The following ABCF3 variants were observed in gnomAD, a reference collection of about 807,000 sequenced individuals.
ABCF3 encodes ATP-binding cassette sub-family F member 3.
ABCF3 carries 62 observed loss-of-function variants against 94.3 expected under a neutral mutation model. That is an observed-to-expected ratio of 0.66 (90% CI 0.54 to 0.81). The LOEUF (loss-of-function observed/expected upper bound fraction) is 0.81, where lower values mean the gene tolerates loss of function less well. Ranked by LOEUF, ABCF3 falls within the 40% of genes least tolerant of loss-of-function variation. The pLI is 0.00. For missense variants in ABCF3, 843 were observed against 925.3 expected (o/e 0.91, Z 1.15); for synonymous variants, 355 against 361.1 (o/e 0.98, Z 0.19).
In ABCF3 at chr3:184,186,500, T is replaced by C. The variant is rs1560131571; in HGVS notation, c.74-7T>C. 9.3e-6 allele frequency: 15 copies of C among 1,606,784 alleles called. No homozygotes were observed. The South Asian group carries it at 1.7e-4, about 18-fold the overall frequency. On this transcript the variant is annotated splice_polypyrimidine_tract_variant and splice_region_variant and intron_variant, in intron 1 of 20. Coordinates refer to ENST00000429586, the MANE Select transcript of ABCF3 (RefSeq NM_018358.3). ...ATACCTTCCTCGTTCTACCACGCCC[T>C]GCCCAGGCGTCTTGCACAGCGGCAG...
intron 12 of ABCF3, 42 bp downstream of exon 12, chr3:184,189,485 C>T (rs1442654403): frequency 1.2e-6 from 2 of 1,614,000 alleles, no homozygotes; most frequent in African/African-American, 1.3e-5. Context: ...GGAAAGGCGG[C>T]CTCCAAGATA....
chr3:184,191,318 T>C, intron 16 of ABCF3, 63 bp downstream of exon 16: 3 of 1,606,300 alleles, frequency 1.9e-6, no homozygotes, highest in East Asian at 2.2e-5. Context: ...GTGGTGTGGA[T>C]TGGCCCAGAT....
chr3:184,192,374 T>C (rs373532300), intron 16 of ABCF3, among the ~76,000 whole-genome samples: 4 of 152,256 alleles, frequency 2.6e-5, no homozygotes, highest in South Asian at 2.1e-4. Flanking sequence ...CTAGAACTTA[T>C]TCCTCCATTC....
Position 184,187,999 on chromosome 3 carries a change from T to C in ABCF3, c.569+16T>C, listed in dbSNP as rs1267397387. The C allele has an allele frequency of 6.2e-7, 1 of 1,613,654 alleles. No individual in the cohort carries two copies. Among genetic ancestry groups the C allele is most frequent in the African/African-American group, 1.3e-5 (1 of 74,922 alleles). On this transcript the variant is annotated intron_variant, in intron 6 of 20. Coordinates refer to ENST00000429586, the MANE Select transcript of ABCF3 (RefSeq NM_018358.3). ...TTGGCGATAGGTGAGGGAATAGTGG[T>C]GGCAGGGGTTGGCTTTCTTTTTCTA...
chr3:184,191,237 C>T lies in ABCF3; in HGVS notation c.1551C>T (p.Leu517=), dbSNP rs779061226. Residue 517 remains leucine, a synonymous_variant, in exon 16 of 21, where the codon CTC becomes CTT. Transcript: ENST00000429586. The stretch of plus-strand genomic sequence containing the variant: ...GTCGCCTCTCTGTGTCTGCTGATCT[C>T]GAGTCTCGCATCTGTGTGGTAAGGC... ...IFSRLSVSAD[L]ESRICVVGEN... is the part of the protein sequence containing the mutation. 1.1e-5 allele frequency: 18 copies of T among 1,614,156 alleles called. No individual in the cohort carries two copies. The East Asian group carries it at 2.0e-4, about 18-fold the overall frequency.
At chr3:184,189,036 C>T in intron 9 of ABCF3, 48 bp downstream of exon 9, 3 of 1,614,152 alleles carry the variant, frequency 1.9e-6, no homozygotes, top group Non-Finnish European at 2.5e-6. Context: ...TGTCTCAGCC[C>T]CTTCCTGCCC....
At chr3:184,186,434 C>T in intron 1 of ABCF3, 73 bp from the exon 2 acceptor site, 1 of 1,581,338 alleles carries the variant, frequency 6.3e-7, no homozygotes, top group South Asian at 1.2e-5. Context: ...ACTGGGGCCT[C>T]TGTCTGGGGT....
intron 12 of ABCF3, 47 bp downstream of exon 12, chr3:184,189,490 A>G (rs769074174): frequency 6.2e-7 from 1 of 1,613,860 alleles, no homozygotes; most frequent in Non-Finnish European, 8.5e-7. Flanking sequence ...GGCGGCCTCC[A>G]AGATACCTGG....
In ABCF3 at chr3:184,188,257, G is replaced by A. The variant is rs747252180; in HGVS notation, c.686G>A (p.Arg229Gln). ...AAGATGCTGGCCACCCGGAGTCTGC[G>A]GGTTCCAGCCCACATTTCCCTGCTG... ...LLKMLATRSL[R>Q]VPAHISLLHV... Residue 229 changes from arginine (R) to glutamine (Q), a missense_variant, in exon 7 of 21, where the codon CGG (arginine) becomes CAG (glutamine). Arg to Gln is a conservative substitution (Grantham distance 43). Coordinates refer to ENST00000429586, the MANE Select transcript of ABCF3 (RefSeq NM_018358.3). 38 of 1,614,048 alleles carry A rather than the reference G, an allele frequency of 2.4e-5. No homozygotes were observed. Among genetic ancestry groups the A allele is most frequent in the African/African-American group, 4.0e-5 (3 of 74,928 alleles).
Position 184,186,515 on chromosome 3 carries a change from C to T in ABCF3, c.82C>T (p.His28Tyr). The change falls in exon 2 of 21, where the codon CAC (histidine) becomes TAC (tyrosine). Residue 28 changes from histidine to tyrosine, a missense_variant. Coordinates refer to ENST00000429586, the MANE Select transcript of ABCF3 (RefSeq NM_018358.3). The part of the protein sequence containing the change: ...QVFDYVTGVL[H>Y]SGSADFESVD... ...TACCACGCCCTGCCCAGGCGTCTTG[C>T]ACAGCGGCAGCGCGGACTTCGAGTC... 6.2e-7 allele frequency: 1 copy of T among 1,611,200 alleles called. No homozygotes were observed. The highest frequency in any genetic ancestry group is 8.5e-7 in the Non-Finnish European group (1 of 1,178,398).
Position 184,188,424 on chromosome 3 carries a change from A to G in ABCF3, c.836+17A>G, listed in dbSNP as rs775065748. ...TGCTGGCAGGTGAGGACTCCCGGCTAGGGAGTAACTAGCAGCCGCTGTCGC... is the reference window on the plus strand; with the variant it reads ...TGCTGGCAGGTGAGGACTCCCGGCTGGGGAGTAACTAGCAGCCGCTGTCGC... On this transcript the variant is annotated intron_variant, in intron 7 of 20. Coordinates refer to ENST00000429586, the MANE Select transcript of ABCF3 (RefSeq NM_018358.3). 2.4e-5 allele frequency: 39 copies of G among 1,596,732 alleles called. 1 individual carries two copies. The highest frequency in any genetic ancestry group is 1.0e-4 in the Admixed American group (6 of 59,476).
rs757996688 is a variant in ABCF3, at chr3:184,188,210, G to C, written c.639G>C (p.Gly213=). ...GRRYGLVGRN[G]LGKTTLLKML... ...GTTACGGGCTGGTGGGGCGGAATGG[G>C]TTGGGGAAGACAACGTTACTGAAGA... The change falls in exon 7 of 21, where the codon GGG becomes GGC. Residue 213 remains glycine (G), a synonymous_variant. Transcript: ENST00000429586. 2 of 1,614,108 alleles carry C rather than the reference G, an allele frequency of 1.2e-6. No homozygotes were observed. Among genetic ancestry groups the C allele is most frequent in the Admixed American group, 3.3e-5 (2 of 60,036 alleles).
intron 16 of ABCF3, 152 bp downstream of exon 16, chr3:184,191,407 C>A: frequency 8.8e-7 from 1 of 1,137,224 alleles, no homozygotes. Context: ...TTACACTAGC[C>A]CTGTCCTCTG....
chr3:184,192,579 T>A (rs765266563), intron 16 of ABCF3, 22 bp from the exon 17 acceptor site: 1 of 1,601,358 alleles, frequency 6.2e-7, no homozygotes, highest in Non-Finnish European at 8.5e-7. Context: ...ACACACTGTA[T>A]GACATTTTCA....
rs565912154 is a variant in ABCF3 at position 184,188,945 on chromosome 3, G to T, written c.934G>T (p.Ala312Ser). The T allele has an allele frequency of 1.2e-6, 2 of 1,614,122 alleles. No individual in the cohort carries two copies. The highest frequency in any genetic ancestry group is 1.1e-5 in the South Asian group (1 of 91,082). Residue 312 changes from alanine (A) to serine (S), a missense_variant, in exon 9 of 21, where the codon GCT (alanine) becomes TCT (serine). Coordinates refer to ENST00000429586, the MANE Select transcript of ABCF3 (RefSeq NM_018358.3). Reference sequence around the variant, plus strand: ...CTCTACTAGGGCATCAGTCATTCTCGCTGGGCTTGGCTTTACCCCTAAAAT... The same window carrying T: ...CTCTACTAGGGCATCAGTCATTCTCTCTGGGCTTGGCTTTACCCCTAAAAT... Reference protein sequence around the residue: ...KAPARASVILAGLGFTPKMQQ... With the variant: ...KAPARASVILSGLGFTPKMQQ...
intron 4 of ABCF3, 46 bp downstream of exon 4, chr3:184,187,489 G>T (rs765689355): frequency 6.3e-7 from 1 of 1,585,828 alleles, no homozygotes. Context: ...GATGGGGTTG[G>T]GAGTTGACTG....
At position 184,189,267 on chromosome 3, in the gene ABCF3, G is replaced by T; in HGVS notation, c.1047G>T (p.Leu349=). The T allele has an allele frequency of 6.2e-7, 1 of 1,614,200 alleles. No homozygotes were observed. The highest frequency in any genetic ancestry group is 8.5e-7 in the Non-Finnish European group (1 of 1,180,042). The stretch of plus-strand genomic sequence containing the variant: ...TTGTTTTTCATAGGCCAGATCTTCT[G>T]CTGTTAGATGGTGAGTTTGAAATGG... The part of the protein sequence containing the change: ...ARALFARPDL[L]LLDEPTNMLD... Residue 349 remains leucine, a synonymous_variant, in exon 11 of 21, where the codon CTG becomes CTT. Transcript: ENST00000429586.
chr3:184,187,286 A>G lies in ABCF3; in HGVS notation c.302-111A>G, dbSNP rs551413283. ...ATAATAGCCATCTATCTGCAGTATTATAAGGTTTTGTAGAAAACATCTGTG... is the reference window on the plus strand; with the variant it reads ...ATAATAGCCATCTATCTGCAGTATTGTAAGGTTTTGTAGAAAACATCTGTG... On this transcript the variant is annotated intron_variant, in intron 3 of 20. Transcript: ENST00000429586. 5 of 1,233,754 alleles carry G rather than the reference A, an allele frequency of 4.1e-6. No individual in the cohort carries two copies. The East Asian group carries it at 9.4e-5, about 23-fold the overall frequency. The allele number at this position is 1,233,754 out of a possible 1,614,324, so 76.4% of individuals were successfully genotyped here.
Position 184,189,622 on chromosome 3 carries a change from C to G in ABCF3, c.1179C>G (p.Asp393Glu). 6.2e-7 allele frequency: 1 copy of G among 1,614,254 alleles called. No homozygotes were observed. Among genetic ancestry groups the G allele is most frequent in the Non-Finnish European group, 8.5e-7 (1 of 1,180,056 alleles). Reference sequence around the variant, plus strand: ...ACTTCTTGAATGCCATCGCCACAGACATCATCCACCTGCACAGCCAGCGGC... The same window carrying G: ...ACTTCTTGAATGCCATCGCCACAGAGATCATCCACCTGCACAGCCAGCGGC... ...DRNFLNAIAT[D>E]IIHLHSQRLD... Residue 393 changes from aspartate (D) to glutamate (E), a missense_variant, in exon 13 of 21, where the codon GAC becomes GAG. Physicochemically the swap from Asp to Glu is conservative, Grantham distance 45 (BLOSUM62 2). Coordinates refer to ENST00000429586, the MANE Select transcript of ABCF3 (RefSeq NM_018358.3).
Sources: gnomAD v4.1 joint callset for allele counts (sites outside exome capture counted in the v4.1 genomes callset) on GRCh38, gnomAD v4.1.1 for gene constraint, MANE v1.5 for transcripts, NCBI Gene and HGNC (gene_info 2026-07-23, HGNC 2026-07-21) for gene names.